ARAP3: variants seen among roughly 807,000 people sequenced by gnomAD.
ARAP3 encodes the protein arf-GAP with Rho-GAP domain, ANK repeat and PH domain-containing protein 3.
ARAP3 carries 82 observed loss-of-function variants against 169.2 expected under a neutral mutation model. The ratio of observed to expected loss-of-function variants is 0.48; its 90% CI spans 0.41 to 0.58. The LOEUF is 0.58. Ranked by LOEUF, ARAP3 falls within the 20% of genes least tolerant of loss-of-function variation. The pLI is 0.00. For synonymous variants in ARAP3, 791 were observed against 800.3 expected (o/e 0.99, Z 0.20); for missense variants, 1,764 against 2,018.0 (o/e 0.87, Z 2.41).
intron 32 of ARAP3, 67 bp from the exon 33 acceptor site, chr5:141,654,502 T>C: frequency 6.6e-7 from 1 of 1,504,668 alleles, no homozygotes; most frequent in South Asian, 1.3e-5. Context: ...ATCACTAACA[T>C]TTACTGAGCT....
chr5:141,680,323 C>T lies in ARAP3; in HGVS notation c.164G>A (p.Arg55Gln), dbSNP rs756430090. The T allele has an allele frequency of 1.7e-5, 28 of 1,614,134 alleles. No homozygotes were observed. In the East Asian group the frequency reaches 3.1e-4, roughly 18 times the overall value. ...KQLGISATGH[R>Q]KRILRLLQTG... is the part of the protein sequence containing the mutation. The stretch of plus-strand genomic sequence containing the variant: ...CTGTAGCAGGCGTAGAATGCGTTTC[C>T]GGTGCCCTGTGGCGCTGATGCCCAA... Residue 55 changes from arginine (R) to glutamine (Q), a missense_variant, in exon 2 of 33, where the codon CGG becomes CAG. By Grantham distance (43) the Arg-to-Gln change is conservative. Around this residue, in one of 3 missense-constraint regions of ARAP3, gnomAD observed 630 missense variants for 678.7 expected, o/e 0.93. Transcript: ENST00000239440.
At chr5:141,680,547 C>A (rs2099912817) in intron 1 of ARAP3, 44 bp from the exon 2 acceptor site, 1 of 1,519,452 alleles carries the variant, frequency 6.6e-7, no homozygotes, top group Middle Eastern at 1.9e-4. Context: ...GGCTGAGAAT[C>A]CCCCTCTCTG....
rs1349252383 is a variant in ARAP3 at position 141,665,026 on chromosome 5, C to T, written c.2696G>A (p.Gly899Glu). The T allele has an allele frequency of 6.2e-7, 1 of 1,614,096 alleles. No individual in the cohort carries two copies. The highest frequency in any genetic ancestry group is 1.7e-5 in the Admixed American group (1 of 60,018). ...TGTGCCGCCCCCACCAGCCGCGCCC[C>T]CAATGGCTGCGTTCCATGCCGTGAA... ...LDFTAWNAAIGGAAGGGGTGL... is the reference protein window; with the variant it reads ...LDFTAWNAAIEGAAGGGGTGL... The change falls in exon 19 of 33, where the codon GGG becomes GAG. Residue 899 changes from glycine (G) to glutamate (E), a missense_variant. Around this residue, in one of 3 missense-constraint regions of ARAP3, gnomAD observed 1,112 missense variants for 1,285.7 expected, o/e 0.86. Coordinates refer to ENST00000239440, the MANE Select transcript of ARAP3 (RefSeq NM_022481.6).
Position 141,673,592 on chromosome 5 carries a change from TC to T in ARAP3, c.902+12del. The T allele has an allele frequency of 6.2e-7, 1 of 1,611,778 alleles. No homozygotes were observed. Among genetic ancestry groups the T allele is most frequent in the Non-Finnish European group, 8.5e-7 (1 of 1,178,390 alleles). On this transcript the variant is annotated intron_variant, in intron 5 of 32. Transcript: ENST00000239440. ...CCTCTCTTTTCTCCCTCCCTTCCCC[TC>T]CCAGCACCCACCCCTGAGGGGAGAG...
chr5:141,676,642 A>G (rs1325994953), intron 4 of ARAP3, among the ~76,000 whole-genome samples: 1 of 151,866 alleles, frequency 6.6e-6, no homozygotes, highest in Non-Finnish European at 1.5e-5. Context: ...CATTTTCCTC[A>G]CTTTGCTCCT....
At position 141,679,431 on chromosome 5, in the gene ARAP3, A is replaced by G. The variant is rs1383336850; in HGVS notation, c.698+114T>C. On this transcript the variant is annotated intron_variant, in intron 4 of 32. Coordinates refer to ENST00000239440, the MANE Select transcript of ARAP3 (RefSeq NM_022481.6). ...ACTAGGTCTGTGATACTCATCCTGT[A>G]TCTTGAGTGCCTGGCTGGTGAATAC... The G allele has an allele frequency of 4.8e-6, 5 of 1,032,406 alleles. No homozygotes were observed. The African/African-American group carries it at 7.9e-5, about 16-fold the overall frequency. The allele number at this position is 1,032,406 out of a possible 1,614,324, so 64.0% of individuals were successfully genotyped here. A position where few individuals can be genotyped will look rare whatever the true frequency, so the allele number is the denominator to read the frequency against.
chr5:141,680,418 G>A lies in ARAP3; in HGVS notation c.69C>T (p.Asp23=). ...LATVHLEQYA[D]TFRRHGLATA... ...TAGCCAGGCCATGCCGTCGGAACGT[G>A]TCTGCATACTGCTCCAGGTGCACCG... The change falls in exon 2 of 33, where the codon GAC becomes GAT. Residue 23 remains aspartate (D), a synonymous_variant. Transcript: ENST00000239440. 2 of 1,613,326 alleles carry A rather than the reference G, an allele frequency of 1.2e-6. No homozygotes were observed. Among genetic ancestry groups the A allele is most frequent in the Admixed American group, 1.7e-5 (1 of 60,024 alleles).
rs772681497 is a variant in ARAP3 at position 141,656,083 on chromosome 5, T to C, written c.3889A>G (p.Ile1297Val). 1 of 1,614,018 alleles carries C rather than the reference T, an allele frequency of 6.2e-7. No individual in the cohort carries two copies. The highest frequency in any genetic ancestry group is 8.5e-7 in the Non-Finnish European group (1 of 1,180,018). ...KPPTPWGFTL[I>V]LEKMHLYLSC... ...ACTCACAGGTGCATCTTCTCTAGTA[T>C]CAATGTGAAGCCCCACCTGGGAGAC... is the stretch of plus-strand genomic sequence containing the variant. The change falls in exon 29 of 33, where the codon ATA becomes GTA. Residue 1297 changes from isoleucine to valine, a missense_variant. Physicochemically the swap from Ile to Val is conservative, Grantham distance 29. Transcript: ENST00000239440.
chr5:141,677,080 A>C (rs184217904), intron 4 of ARAP3, among the ~76,000 whole-genome samples: 72 of 152,314 alleles, frequency 4.7e-4, no homozygotes, highest in African/African-American at 1.6e-3. Context: ...CCAAGTATGT[A>C]ATTTTAAACT....
Position 141,668,522 on chromosome 5 carries a change from C to T in ARAP3, c.2352+1187G>A, listed in dbSNP as rs144499548. 1.7e-3 allele frequency among the ~76,000 whole-genome samples: 258 copies of T among 152,320 alleles called. 1 individual carries two copies. The highest frequency in any genetic ancestry group is 5.8e-3 in the African/African-American group (241 of 41,562). ...TGGACCATAACACATAGTCCAGGGG[C>T]TAGTATGGTGTGACAGTCTTCACAG... On this transcript the variant is annotated intron_variant, in intron 16 of 32. Transcript: ENST00000239440.
chr5:141,658,535 C>A, intron 24 of ARAP3, 44 bp downstream of exon 24: 1 of 1,613,866 alleles, frequency 6.2e-7, no homozygotes, highest in Non-Finnish European at 8.5e-7. Flanking sequence ...GCCCCTGGAA[C>A]CTCACTATCC....
chr5:141,658,480 C>T lies in ARAP3; in HGVS notation c.3412-1G>A. 6.2e-7 allele frequency: 1 copy of T among 1,614,144 alleles called. No individual in the cohort carries two copies. The highest frequency in any genetic ancestry group is 8.5e-7 in the Non-Finnish European group (1 of 1,180,026). ...CCTCAGCAGTCAGGGTTGGGGACACCTGGGGTCAGGGCAAGAGCAGAGAAT... is the reference window on the plus strand; with the variant it reads ...CCTCAGCAGTCAGGGTTGGGGACACTTGGGGTCAGGGCAAGAGCAGAGAAT... On this transcript the variant is annotated splice_acceptor_variant, in intron 24 of 32. Coordinates refer to ENST00000239440, the MANE Select transcript of ARAP3 (RefSeq NM_022481.6). LOFTEE classifies it high-confidence loss of function.
intron 23 of ARAP3, 25 bp from the exon 24 acceptor site, chr5:141,658,678 G>C (rs1213938092): frequency 1.3e-6 from 2 of 1,563,450 alleles, no homozygotes; most frequent in South Asian, 1.2e-5. Context: ...AAAAAAGTCA[G>C]AAGGGCAAAA....
chr5:141,653,787 C>G lies in ARAP3; in HGVS notation c.*163G>C, dbSNP rs546373713. The G allele has an allele frequency of 9.7e-5, 97 of 1,000,326 alleles. No individual in the cohort carries two copies. Among genetic ancestry groups the G allele is most frequent in the Non-Finnish European group, 1.3e-4 (90 of 712,800 alleles). The allele number at this position is 1,000,326 out of a possible 1,614,324, so 62.0% of individuals were successfully genotyped here. ...GGCCCAGAGAGGGGCCATGACCTGT[C>G]CTGGGACACGCAGCCACTGAAGCCT... On this transcript the variant is annotated 3_prime_UTR_variant, in exon 33 of 33. Transcript: ENST00000239440.
intron 4 of ARAP3, among the ~76,000 whole-genome samples, chr5:141,679,027 GC>G (rs1329812585): frequency 3.3e-5 from 5 of 152,060 alleles, no homozygotes. Flanking sequence ...AGTGGCTCAT[GC>G]CTGTAATCCC....
At chr5:141,668,435 T>G (rs909659332) in intron 16 of ARAP3, among the ~76,000 whole-genome samples, 1 of 152,228 alleles carries the variant, frequency 6.6e-6, no homozygotes, top group African/African-American at 2.4e-5. Context: ...ATAAAATTAC[T>G]ATGTCAAATT....
rs1407887222 is a variant in ARAP3 at position 141,670,162 on chromosome 5, A to T, written c.2108-99T>A. 2.1e-6 allele frequency: 3 copies of T among 1,458,118 alleles called. No individual in the cohort carries two copies. In the East Asian group the frequency reaches 7.3e-5, roughly 35 times the overall value. The allele number at this position is 1,458,118 out of a possible 1,614,324, so 90.3% of individuals were successfully genotyped here. On this transcript the variant is annotated intron_variant, in intron 14 of 32. Transcript: ENST00000239440. ...TTATTCTGTGCCAAGCCCTTTGCCCATATATGATCCCATGTAATCTTCACA... is the reference window on the plus strand; with the variant it reads ...TTATTCTGTGCCAAGCCCTTTGCCCTTATATGATCCCATGTAATCTTCACA...
Position 141,672,660 on chromosome 5 carries a change from T to C in ARAP3, c.1279-2A>G. The C allele has an allele frequency of 6.2e-7, 1 of 1,613,854 alleles. No homozygotes were observed. Among genetic ancestry groups the C allele is most frequent in the Non-Finnish European group, 8.5e-7 (1 of 1,179,856 alleles). ...GATCCCGATGCCCAGAGAGAAGGCC[T>C]GGTGGGGTCAGGGGGTGGGCATCAT... On this transcript the variant is annotated splice_acceptor_variant, in intron 8 of 32. Coordinates refer to ENST00000239440, the MANE Select transcript of ARAP3 (RefSeq NM_022481.6). LOFTEE classifies it high-confidence loss of function. This position sits in a 1 kb window ranked among gnomAD's most constrained non-coding sequence, Gnocchi z 4.9.
Position 141,656,675 on chromosome 5 carries a change from G to A in ARAP3, c.3656-38C>T, listed in dbSNP as rs775524621. 8 of 1,613,330 alleles carry A rather than the reference G, an allele frequency of 5.0e-6. No individual in the cohort carries two copies. The African/African-American group carries it at 9.3e-5, about 19-fold the overall frequency. On this transcript the variant is annotated intron_variant, in intron 26 of 32. Coordinates refer to ENST00000239440, the MANE Select transcript of ARAP3 (RefSeq NM_022481.6). ...GGGCAATCCTGGGTGGAGGATGCTA[G>A]GGGAGAGACCTGGGGGATGCTGGGC...
Sources: gnomAD v4.1 joint callset for allele counts (sites outside exome capture counted in the v4.1 genomes callset) on GRCh38, gnomAD v4.1.1 for gene constraint, gnomAD v4.1.1 regional missense constraint, Gnocchi (gnomAD v3.1) non-coding constraint, MANE v1.5 for transcripts, NCBI Gene and HGNC (gene_info 2026-07-23, HGNC 2026-07-21) for gene names.